Variants in AGBL1 observed in about 807,000 individuals in gnomAD.
AGBL1 encodes the protein cytosolic carboxypeptidase 4.
Under a neutral mutation model 118.9 loss-of-function variants are expected in AGBL1, and 130 were observed. The observed-to-expected ratio is 1.09, with a 90% CI of 0.95 to 1.26. AGBL1 has a LOEUF of 1.26. Among genes scored for constraint, AGBL1 ranks in the 50% most tolerant of loss-of-function variants. The pLI, the probability that AGBL1 is intolerant of heterozygous loss-of-function variation, is 0.00. For synonymous variants in AGBL1, 555 were observed against 478.9 expected, an observed-to-expected ratio of 1.16 and a Z score of -2.08; for missense variants, 1,584 against 1,298.1, an observed-to-expected ratio of 1.22 and a Z score of -3.38.
intron 1 of AGBL1, among the ~76,000 whole-genome samples, chr15:86,091,666 G>A (rs1324626530): frequency 6.6e-6 from 1 of 152,186 alleles, no homozygotes; most frequent in African/African-American, 2.4e-5. Flanking sequence ...AGGGCAATAA[G>A]CCACTTGATC....
At chr15:86,441,754 A>G (rs1373325115) in intron 18 of AGBL1, among the ~76,000 whole-genome samples, 1 of 152,200 alleles carries the variant, frequency 6.6e-6, no homozygotes, top group African/African-American at 2.4e-5. Context: ...GATGAATGTA[A>G]TAATAATGGA....
Position 86,931,315 on chromosome 15 carries a change from C to T in AGBL1, c.3222-56672C>T, listed in dbSNP as rs535738650. 1.5e-4 allele frequency among the ~76,000 whole-genome samples: 23 copies of T among 152,318 alleles called. No individual in the cohort carries two copies. The South Asian group carries it at 3.5e-3, about 23-fold the overall frequency. On this transcript the variant is annotated intron_variant, in intron 23 of 24. Coordinates refer to the AGBL1 transcript ENST00000441037. ...TCCGCTTCCCTGAAATTTACCCCTACGTTTAACAACCCTTGTTTGTAAGCT... is the reference window on the plus strand; with the variant it reads ...TCCGCTTCCCTGAAATTTACCCCTATGTTTAACAACCCTTGTTTGTAAGCT...
At chr15:86,771,648 A>G (rs2078183579) in intron 22 of AGBL1, among the ~76,000 whole-genome samples, 1 of 152,040 alleles carries the variant, frequency 6.6e-6, no homozygotes, top group Non-Finnish European at 1.5e-5. Context: ...TTCGGTAAAT[A>G]GAAACTGCAC....
At chr15:86,857,454 A>G (rs1567209961) in intron 22 of AGBL1, among the ~76,000 whole-genome samples, 2 of 152,028 alleles carry the variant, frequency 1.3e-5, no homozygotes, top group Non-Finnish European at 2.9e-5. Flanking sequence ...ATCTGTTTTC[A>G]CATGGTCTCT....
At chr15:86,829,327 A>T (rs1487566669) in intron 22 of AGBL1, among the ~76,000 whole-genome samples, 1 of 152,216 alleles carries the variant, frequency 6.6e-6, no homozygotes, top group Non-Finnish European at 1.5e-5. Flanking sequence ...CGCAAGGGTC[A>T]AGTGGGCTCT....
chr15:86,275,629 A>C (rs2079238777), intron 15 of AGBL1, among the ~76,000 whole-genome samples: 1 of 152,230 alleles, frequency 6.6e-6, no homozygotes, highest in South Asian at 2.1e-4. Flanking sequence ...GCTTCATTGA[A>C]GTCTTTATGA....
At chr15:86,448,423 A>G (rs1490562734) in intron 18 of AGBL1, among the ~76,000 whole-genome samples, 3 of 152,218 alleles carry the variant, frequency 2.0e-5, no homozygotes, top group African/African-American at 7.2e-5. Context: ...CATTGAGGGT[A>G]GAGCCATGCG....
intron 14 of AGBL1, 108 bp from the exon 15 acceptor site, chr15:86,271,511 A>G (rs1290800868): frequency 1.2e-6 from 1 of 844,620 alleles, no homozygotes; most frequent in Non-Finnish European, 2.0e-6. Context: ...TATATAGTTA[A>G]CAGTCACAGT....
At chr15:86,348,877 C>T (rs189379941) in intron 17 of AGBL1, among the ~76,000 whole-genome samples, 2 of 151,668 alleles carry the variant, frequency 1.3e-5, no homozygotes, top group East Asian at 3.9e-4. Context: ...AATTCATGTC[C>T]ATTCAGAAAA....
At chr15:86,147,245 A>G (rs1397991227) in intron 3 of AGBL1, among the ~76,000 whole-genome samples, 3 of 152,156 alleles carry the variant, frequency 2.0e-5, no homozygotes, top group African/African-American at 7.2e-5. Flanking sequence ...TACCGGGTTC[A>G]TCTCACTGGT....
rs1444877454 is a variant in AGBL1, at chr15:86,215,264, T to TGTGTGTGTGTGA, written c.489-9649_489-9648insTGTGTGTGTGAG. Among the ~76,000 whole-genome samples the TGTGTGTGTGTGA allele has an allele frequency of 3.4e-3, 513 of 149,922 alleles. 10 individuals carry two copies. Among genetic ancestry groups the TGTGTGTGTGTGA allele is most frequent in the Middle Eastern group, 3.4e-3 (1 of 292 alleles). On this transcript the variant is annotated intron_variant, in intron 5 of 22. Transcript: ENST00000614907. ...GTGTGTGTGTGTGTGTGTGTGTGTG[T>TGTGTGTGTGTGA]GATTTTATGCATCCTGCTAGTCCCT...
intron 5 of AGBL1, among the ~76,000 whole-genome samples, chr15:86,197,398 A>G (rs2077831589): frequency 6.6e-6 from 1 of 152,212 alleles, no homozygotes; most frequent in Admixed American, 6.5e-5. Context: ...CTGGCAAGGA[A>G]TTAGATGGAA....
At chr15:86,085,244 C>G (rs1287057167) in intron 1 of AGBL1, among the ~76,000 whole-genome samples, 1 of 152,116 alleles carries the variant, frequency 6.6e-6, no homozygotes, top group African/African-American at 2.4e-5. Context: ...CTAATTTCAG[C>G]AGGGGGAGGT....
intron 17 of AGBL1, among the ~76,000 whole-genome samples, chr15:86,326,274 T>C (rs1294018898): frequency 1.3e-5 from 2 of 152,208 alleles, no homozygotes; most frequent in Non-Finnish European, 2.9e-5. Flanking sequence ...TGCCTCCTTA[T>C]GAAACAAGAA....
chr15:86,933,052 C>T lies in AGBL1; in HGVS notation c.3222-54935C>T, dbSNP rs1188951700. On this transcript the variant is annotated intron_variant, in intron 23 of 24. Transcript: ENST00000441037. ...ATAATAGAATTTTAAACAAGATAGA[C>T]TGCCTTTAATTCTGCTGTTTGAGAC... The T allele has an allele frequency of 5.9e-5, 9 of 152,342 alleles. No individual in the cohort carries two copies. In the East Asian group the frequency reaches 1.7e-3, roughly 29 times the overall value. The allele number at this position is 152,342 out of a possible 1,614,324, so 9.4% of individuals were successfully genotyped here.
At chr15:86,950,762 G>C (rs939460704) in intron 23 of AGBL1, among the ~76,000 whole-genome samples, 3 of 151,810 alleles carry the variant, frequency 2.0e-5, no homozygotes, top group African/African-American at 7.3e-5. Context: ...TTGGACAACA[G>C]ATTTGAAAAG....
intron 21 of AGBL1, among the ~76,000 whole-genome samples, chr15:86,579,426 A>G (rs1402661058): frequency 6.6e-6 from 1 of 152,238 alleles, no homozygotes; most frequent in Non-Finnish European, 1.5e-5. Context: ...CGTGAATGTG[A>G]TATTAGATTA....
chr15:86,924,941 TAA>T (rs1179632072), intron 23 of AGBL1, among the ~76,000 whole-genome samples: 1 of 151,400 alleles, frequency 6.6e-6, no homozygotes, highest in East Asian at 1.9e-4. Flanking sequence ...TTAAAAAATT[TAA>T]AAATTAAACT....
At chr15:87,022,696 T>C (rs2081678374) in intron 24 of AGBL1, among the ~76,000 whole-genome samples, 1 of 152,062 alleles carries the variant, frequency 6.6e-6, no homozygotes, top group African/African-American at 2.4e-5. Flanking sequence ...TCTTAAGAGC[T>C]GTGAGACAAA....
Sources: allele counts gnomAD v4.1 joint callset (sites outside exome capture counted in the v4.1 genomes callset), GRCh38; gene constraint gnomAD v4.1.1; transcripts MANE v1.5; gene names NCBI Gene and HGNC (gene_info 2026-07-23, HGNC 2026-07-21).